Variants in GALNT13 observed in about 807,000 individuals in gnomAD.
GALNT13 encodes polypeptide N-acetylgalactosaminyltransferase 13, also known as UDP-GalNAc:polypeptide N-acetylgalactosaminyltransferase 13.
In GALNT13, 28 loss-of-function variants were observed where a neutral mutation model predicts 64.2. That is an observed-to-expected ratio of 0.44 (90% CI 0.32 to 0.60). The LOEUF is 0.60. Ranked by LOEUF, GALNT13 falls within the 20% of genes least tolerant of loss-of-function variation. The pLI, the probability that GALNT13 is intolerant of heterozygous loss-of-function variation, is 0.05. For missense variants in GALNT13, 577 were observed against 669.8 expected (o/e 0.86, Z 1.53); for synonymous variants, 214 against 224.6 (o/e 0.95, Z 0.42).
the GALNT13 span, among the ~76,000 whole-genome samples, chr2:153,512,000 G>C: frequency 6.6e-6 from 1 of 152,102 alleles, no homozygotes; most frequent in Non-Finnish European, 1.5e-5. Flanking sequence ...ACAGTTATTG[G>C]TAATCTGCGT....
At chr2:153,727,639 C>A in the GALNT13 span, among the ~76,000 whole-genome samples, 1 of 152,076 alleles carries the variant, frequency 6.6e-6, no homozygotes, top group East Asian at 1.9e-4. Context: ...TCTCCATTTT[C>A]TATTTTAGCT....
chr2:153,495,627 G>A, the GALNT13 span, among the ~76,000 whole-genome samples: 2 of 152,146 alleles, frequency 1.3e-5, no homozygotes, highest in Admixed American at 1.3e-4. Context: ...ATCTCAAAAT[G>A]CTGATTGAAA....
intron 1 of GALNT13, among the ~76,000 whole-genome samples, chr2:153,890,698 A>G (rs1451366440): frequency 6.6e-6 from 1 of 152,088 alleles, no homozygotes; most frequent in Non-Finnish European, 1.5e-5. Context: ...AGGAAAGGAA[A>G]GGAGCTTGTA....
intron 9 of GALNT13, among the ~76,000 whole-genome samples, chr2:154,391,567 G>C (rs1008997010): frequency 6.6e-6 from 1 of 152,164 alleles, no homozygotes; most frequent in African/African-American, 2.4e-5. Context: ...AGTGGGAGTG[G>C]TTTCCCAGAG....
chr2:153,524,106 A>G, the GALNT13 span, among the ~76,000 whole-genome samples: 1 of 152,110 alleles, frequency 6.6e-6, no homozygotes, highest in South Asian at 2.1e-4. Flanking sequence ...GATGAATTAC[A>G]TTACTTAGTT....
At chr2:153,662,555 A>T in the GALNT13 span, among the ~76,000 whole-genome samples, 7 of 152,290 alleles carry the variant, frequency 4.6e-5, no homozygotes, top group Non-Finnish European at 7.4e-5. Flanking sequence ...TGTAGTTTCT[A>T]TAGGATGAAG....
chr2:153,308,560 GCTC>G, the GALNT13 span, among the ~76,000 whole-genome samples: 2 of 152,120 alleles, frequency 1.3e-5, no homozygotes, highest in African/African-American at 4.8e-5. Context: ...AAGTCATATG[GCTC>G]CTCTGGGGAG....
At chr2:154,056,093 A>G (rs1244304810) in intron 3 of GALNT13, among the ~76,000 whole-genome samples, 1 of 152,134 alleles carries the variant, frequency 6.6e-6, no homozygotes, top group African/African-American at 2.4e-5. Context: ...CATCTGATTT[A>G]GTTTTATTGC....
chr2:154,190,601 C>G (rs1394243853), intron 4 of GALNT13, among the ~76,000 whole-genome samples: 3 of 152,172 alleles, frequency 2.0e-5, no homozygotes, highest in Non-Finnish European at 4.4e-5. Flanking sequence ...TTGTCTGTGA[C>G]CATCTGCTCT....
downstream of GALNT13, among the ~76,000 whole-genome samples, chr2:154,456,284 T>C (rs1278528399): frequency 1.3e-5 from 2 of 152,102 alleles, no homozygotes; most frequent in South Asian, 2.1e-4. Flanking sequence ...TGGCACATGG[T>C]TCTTTAACAT....
the GALNT13 span, among the ~76,000 whole-genome samples, chr2:153,684,870 A>G: frequency 6.6e-6 from 1 of 151,632 alleles, no homozygotes; most frequent in African/African-American, 2.4e-5. Flanking sequence ...TGTTCTCATA[A>G]TTTGGCTCCC....
the GALNT13 span, among the ~76,000 whole-genome samples, chr2:153,651,448 A>G: frequency 6.6e-6 from 1 of 152,206 alleles, no homozygotes; most frequent in Non-Finnish European, 1.5e-5. Context: ...GGGGCAGTAT[A>G]GACAGTATCA....
the GALNT13 span, among the ~76,000 whole-genome samples, chr2:153,173,566 A>G: frequency 2.6e-5 from 4 of 151,816 alleles, no homozygotes; most frequent in African/African-American, 9.7e-5. Context: ...ACATTTAACC[A>G]AATTTCCAAA....
chr2:154,310,925 A>G lies in GALNT13; in HGVS notation c.1156+9336A>G, dbSNP rs560473948. ...AATGTCTGGCAAGTATCAAACAATT[A>G]GCTGTTATTATTATTCATATATATT... On this transcript the variant is annotated intron_variant, in intron 9 of 12. Transcript: ENST00000392825. Among the ~76,000 whole-genome samples, 492 of 83,020 alleles carry G rather than the reference A, an allele frequency of 5.9e-3. 2 individuals carry two copies. The highest frequency in any genetic ancestry group is 0.029 in the African/African-American group (430 of 14,654). The allele number at this position is 83,020 out of a possible 152,430, so 54.5% of individuals were successfully genotyped here. A position where few individuals can be genotyped will look rare whatever the true frequency, so the allele number is the denominator to read the frequency against.
chr2:153,650,234 CT>C, the GALNT13 span, among the ~76,000 whole-genome samples: 42 of 152,052 alleles, frequency 2.8e-4, no homozygotes, highest in African/African-American at 9.7e-4. Flanking sequence ...TTCTTTGTCT[CT>C]TTTGATCTTT....
chr2:153,471,028 G>C, the GALNT13 span, among the ~76,000 whole-genome samples: 1 of 152,178 alleles, frequency 6.6e-6, no homozygotes, highest in African/African-American at 2.4e-5. Context: ...AGTGGAGCCA[G>C]CTTTGCGTAT....
intron 4 of GALNT13, among the ~76,000 whole-genome samples, chr2:154,198,765 G>T (rs1687015937): frequency 6.6e-6 from 1 of 151,976 alleles, no homozygotes; most frequent in African/African-American, 2.4e-5. Flanking sequence ...GAACTGAAGG[G>T]TCAAGGACTT....
chr2:154,005,877 G>A (rs1169409044), intron 3 of GALNT13, among the ~76,000 whole-genome samples: 1 of 152,052 alleles, frequency 6.6e-6, no homozygotes, highest in African/African-American at 2.4e-5. Flanking sequence ...TGAGCAGTTG[G>A]GTGCTTTAGA....
chr2:153,404,150 T>G, the GALNT13 span, among the ~76,000 whole-genome samples: 14 of 152,286 alleles, frequency 9.2e-5, no homozygotes, highest in African/African-American at 3.4e-4. Flanking sequence ...GTGACTTAAA[T>G]TAGTCCGAGG....
Sources: gnomAD v4.1 joint callset for allele counts (sites outside exome capture counted in the v4.1 genomes callset) on GRCh38, gnomAD v4.1.1 for gene constraint, MANE v1.5 for transcripts, NCBI Gene and HGNC (gene_info 2026-07-23, HGNC 2026-07-21) for gene names.